Variants in GAS7 observed in about 807,000 individuals in gnomAD.
GAS7 encodes growth arrest-specific protein 7.
In GAS7, 28 loss-of-function variants were observed where a neutral mutation model predicts 71.1. That is an observed-to-expected ratio of 0.39 (90% CI 0.29 to 0.54). GAS7 has a LOEUF of 0.54. Ranked by LOEUF, GAS7 falls within the 20% of genes least tolerant of loss-of-function variation. The pLI is 0.62. For synonymous variants in GAS7, 258 were observed against 245.8 expected, an observed-to-expected ratio of 1.05 and a Z score of -0.46; for missense variants, 436 against 627.8, an observed-to-expected ratio of 0.69 and a Z score of 3.27.
intron 2 of GAS7, among the ~76,000 whole-genome samples, chr17:10,016,302 A>G (rs1265654604): frequency 6.7e-6 from 1 of 149,698 alleles, no homozygotes; most frequent in Non-Finnish European, 1.5e-5. Flanking sequence ...GGAGAATGGC[A>G]TGAACCCGGG....
At chr17:10,168,998 C>G (rs990462380) in intron 1 of GAS7, among the ~76,000 whole-genome samples, 39 of 146,134 alleles carry the variant, frequency 2.7e-4, no homozygotes, top group Non-Finnish European at 3.3e-4. Flanking sequence ...AGTAATTAGG[C>G]CAGGTGCAGT....
intron 1 of GAS7, among the ~76,000 whole-genome samples, chr17:10,129,728 A>C (rs2073981322): frequency 1.3e-5 from 2 of 152,248 alleles, no homozygotes; most frequent in Non-Finnish European, 2.9e-5. Flanking sequence ...GACAAACCAC[A>C]GAATGGGAGA....
At position 9,959,393 on chromosome 17, in the gene GAS7, G is replaced by A. The variant is rs372569293; in HGVS notation, c.472-138C>T. 522 of 1,504,302 alleles carry A rather than the reference G, an allele frequency of 3.5e-4. 3 individuals carry two copies. In the African/African-American group the frequency reaches 5.8e-3, roughly 17 times the overall value. The allele number at this position is 1,504,302 out of a possible 1,614,324, so 93.2% of individuals were successfully genotyped here. ...TGAATCCTAAGTCACCATATTCTGGGCCAGGGCAAGCAGGGGTCTCCCTGA... is the reference window on the plus strand; with the variant it reads ...TGAATCCTAAGTCACCATATTCTGGACCAGGGCAAGCAGGGGTCTCCCTGA... On this transcript the variant is annotated intron_variant, in intron 4 of 13. Coordinates refer to ENST00000432992, the MANE Select transcript of GAS7 (RefSeq NM_201433.2). This position sits in a 1 kb window ranked among gnomAD's most constrained non-coding sequence, Gnocchi z 5.0.
intron 1 of GAS7, among the ~76,000 whole-genome samples, chr17:10,056,597 C>A (rs532100540): frequency 6.6e-6 from 1 of 151,936 alleles, no homozygotes; most frequent in Non-Finnish European, 1.5e-5. Context: ...ATGGGCCGGG[C>A]GCAGTGGCTC....
intron 1 of GAS7, among the ~76,000 whole-genome samples, chr17:10,095,592 C>T (rs571504788): frequency 3.3e-5 from 5 of 152,076 alleles, no homozygotes; most frequent in Non-Finnish European, 1.5e-5. Flanking sequence ...GAGGCTGAGG[C>T]GGGCGGATCA....
intron 1 of GAS7, among the ~76,000 whole-genome samples, chr17:10,033,559 T>C (rs1247758951): frequency 6.6e-6 from 1 of 152,190 alleles, no homozygotes; most frequent in Non-Finnish European, 1.5e-5. Flanking sequence ...CAGTATCTCA[T>C]GCAAAGCAGC....
At chr17:10,115,447 G>A (rs796903153) in intron 1 of GAS7, among the ~76,000 whole-genome samples, 20 of 152,324 alleles carry the variant, frequency 1.3e-4, no homozygotes, top group African/African-American at 4.8e-4. Flanking sequence ...GTTGCAACAC[G>A]TGTCCTCCCC....
intron 1 of GAS7, among the ~76,000 whole-genome samples, chr17:10,027,478 A>G (rs962208434): frequency 1.3e-5 from 2 of 152,212 alleles, no homozygotes; most frequent in Admixed American, 6.5e-5. Flanking sequence ...ACATGGTAGG[A>G]TTAAGAGGTG....
At chr17:10,116,759 G>A (rs144571176) in intron 1 of GAS7, among the ~76,000 whole-genome samples, 1 of 152,156 alleles carries the variant, frequency 6.6e-6, no homozygotes, top group East Asian at 1.9e-4. Flanking sequence ...TCGACACTGG[G>A]ATACATCAGT....
chr17:9,945,480 G>C (rs1415705488), intron 6 of GAS7, among the ~76,000 whole-genome samples: 1 of 152,084 alleles, frequency 6.6e-6, no homozygotes, highest in Non-Finnish European at 1.5e-5. Context: ...TGATGCCAAA[G>C]ATAAGCCCCT....
At chr17:10,106,688 G>A (rs1432635685) in intron 1 of GAS7, among the ~76,000 whole-genome samples, 1 of 152,104 alleles carries the variant, frequency 6.6e-6, no homozygotes, top group Non-Finnish European at 1.5e-5. Context: ...CAGAACTCCT[G>A]GGGAGTGACC....
chr17:10,160,387 A>G (rs541283346), intron 1 of GAS7, among the ~76,000 whole-genome samples: 2 of 152,362 alleles, frequency 1.3e-5, no homozygotes, highest in South Asian at 2.1e-4. Context: ...ATATTAAATA[A>G]AACAGTTACA....
chr17:9,972,480 G>A (rs2070009491), intron 3 of GAS7, among the ~76,000 whole-genome samples: 3 of 152,206 alleles, frequency 2.0e-5, no homozygotes, highest in Admixed American at 2.0e-4. Flanking sequence ...TCAGGACACT[G>A]CTTTCAGTTT....
chr17:10,039,811 G>A (rs763652782), intron 1 of GAS7: 5 of 452,170 alleles, frequency 1.1e-5, no homozygotes, highest in Non-Finnish European at 2.2e-5. Flanking sequence ...GTCAATCGAG[G>A]GATTTTCCGT....
At chr17:9,956,997 A>G (rs1274575756) in intron 5 of GAS7, among the ~76,000 whole-genome samples, 2 of 152,228 alleles carry the variant, frequency 1.3e-5, no homozygotes, top group African/African-American at 2.4e-5. Context: ...CCTGTGGGCC[A>G]AGGCCAGGTG....
intron 11 of GAS7, among the ~76,000 whole-genome samples, chr17:9,922,380 A>T (rs1281971906): frequency 1.3e-5 from 2 of 152,162 alleles, no homozygotes; most frequent in African/African-American, 4.8e-5. Context: ...ATGAGAGGAG[A>T]CTGAATTGTG....
At position 9,920,864 on chromosome 17, in the gene GAS7, T is replaced by A. The variant is rs546285950; in HGVS notation, c.1139-1159A>T. On this transcript the variant is annotated intron_variant, in intron 11 of 13. Transcript: ENST00000432992. Reference sequence around the variant, plus strand: ...GAATGCTAGAGTAGAATTTAGTAATTCGAGTAGAGTCAAAGTGACTCCTAT... The same window carrying A: ...GAATGCTAGAGTAGAATTTAGTAATACGAGTAGAGTCAAAGTGACTCCTAT... 1.1e-4 allele frequency among the ~76,000 whole-genome samples: 16 copies of A among 152,318 alleles called. No individual in the cohort carries two copies. The South Asian group carries it at 3.3e-3, about 32-fold the overall frequency.
intron 1 of GAS7, among the ~76,000 whole-genome samples, chr17:10,130,329 TAAAAAAA>T (rs35108339): frequency 7.8e-6 from 1 of 127,444 alleles, no homozygotes; most frequent in Admixed American, 7.9e-5. Context: ...AGCTATGATT[TAAAAAAA>T]AAAAAAAAAA....
intron 1 of GAS7, among the ~76,000 whole-genome samples, chr17:10,150,415 TACACACAC>T (rs3051267): frequency 0.019 from 2,843 of 145,868 alleles, 66 homozygotes; most frequent in African/African-American, 0.055. Context: ...ACTGGTTAAG[TACACACAC>T]ACACACACAC....
Sources: allele counts gnomAD v4.1 joint callset (sites outside exome capture counted in the v4.1 genomes callset), GRCh38; gene constraint gnomAD v4.1.1; non-coding constraint Gnocchi (gnomAD v3.1); transcripts MANE v1.5; gene names NCBI Gene and HGNC (gene_info 2026-07-23, HGNC 2026-07-21).